ACP6: variants seen among roughly 807,000 people sequenced by gnomAD.
ACP6 encodes lysophosphatidic acid phosphatase type 6.
In ACP6, 48 loss-of-function variants were observed where a neutral mutation model predicts 48.1. That is an observed-to-expected ratio of 1.00 (90% CI 0.79 to 1.27). ACP6 has a LOEUF of 1.27. ACP6 is among the 50% of genes most tolerant of loss of function. The pLI, the probability that ACP6 is intolerant of heterozygous loss-of-function variation, is 0.00. For missense variants in ACP6, 485 were observed against 529.1 expected (o/e 0.92, Z 0.82); for synonymous variants, 172 against 204.2 (o/e 0.84, Z 1.34).
intron 7 of ACP6, 130 bp from the exon 8 acceptor site, chr1:147,650,368 A>G: frequency 1.7e-6 from 1 of 593,598 alleles, no homozygotes; most frequent in Non-Finnish European, 2.8e-6. Context: ...CATAAGGGCC[A>G]GCAACGGGCC....
At chr1:147,662,663 G>C (rs1351182480) in intron 1 of ACP6, among the ~76,000 whole-genome samples, 1 of 152,236 alleles carries the variant, frequency 6.6e-6, no homozygotes, top group Non-Finnish European at 1.5e-5. Flanking sequence ...GGTTCCTTGA[G>C]AGGGAATCTA....
chr1:147,640,784 C>T (rs782773599), downstream of ACP6, among the ~76,000 whole-genome samples: 12 of 152,148 alleles, frequency 7.9e-5, no homozygotes, highest in Admixed American at 2.0e-4. Flanking sequence ...AAAGGCCAAA[C>T]GGAGAGCGGA....
chr1:147,663,270 T>A (rs1553213091), intron 1 of ACP6, among the ~76,000 whole-genome samples: 4 of 136,972 alleles, frequency 2.9e-5, no homozygotes, highest in African/African-American at 1.1e-4. Context: ...AATTAGAGAG[T>A]AGAGTGATGG....
chr1:147,648,009 G>T, intron 9 of ACP6: 1 of 549,398 alleles, frequency 1.8e-6, no homozygotes, highest in Non-Finnish European at 3.2e-6. Context: ...GGGGGACCCT[G>T]TTCCTAGGAG....
rs781859308 is a variant in ACP6 at position 147,659,746 on chromosome 1, G to T, written c.249C>A (p.Val83=). 2 of 1,614,008 alleles carry T rather than the reference G, an allele frequency of 1.2e-6. No individual in the cohort carries two copies. Among genetic ancestry groups the T allele is most frequent in the Non-Finnish European group, 1.7e-6 (2 of 1,180,002 alleles). Residue 83 remains valine, a synonymous_variant, in exon 2 of 10, where the codon GTC becomes GTA. Transcript: ENST00000583509. ...QVEWNPQLLE[V]PPQTQFDYTV... is the part of the protein sequence containing the mutation. The stretch of plus-strand genomic sequence containing the variant: ...TGTAATCAAACTGAGTTTGGGGTGG[G>T]ACCTCTAATAGCTGGGGGTTCCACT...
chr1:147,653,136 G>GTTT (rs1557883421), intron 6 of ACP6, among the ~76,000 whole-genome samples: 4 of 145,630 alleles, frequency 2.7e-5, no homozygotes, highest in Admixed American at 6.8e-5. Flanking sequence ...CTGTTTTACT[G>GTTT]GTTTTTTTTT....
intron 9 of ACP6, 71 bp downstream of exon 9, chr1:147,648,175 T>C (rs1659724236): frequency 6.4e-7 from 1 of 1,568,262 alleles, no homozygotes. Context: ...GGAGACTTGG[T>C]GCTAACTCAG....
At chr1:147,639,407 C>T (rs1481381439), downstream of ACP6, among the ~76,000 whole-genome samples, 1 of 152,182 alleles carries the variant, frequency 6.6e-6, no homozygotes, top group Non-Finnish European at 1.5e-5. Flanking sequence ...TAAGCTGTGC[C>T]TACCTTTATG....
chr1:147,635,540 C>A (rs1659274496), intron 5 of ACP6, among the ~76,000 whole-genome samples: 1 of 152,140 alleles, frequency 6.6e-6, no homozygotes, highest in Non-Finnish European at 1.5e-5. Flanking sequence ...CAATCTTGCC[C>A]AAGCTTCTAG....
At chr1:147,649,706 T>G (rs1659815795) in intron 8 of ACP6, 1 of 170,758 alleles carries the variant, frequency 5.9e-6, no homozygotes, top group Non-Finnish European at 1.3e-5. Context: ...CCTCCCAAAG[T>G]GCTGGGATTA....
At chr1:147,652,734 C>T in intron 6 of ACP6, 185 bp from the exon 7 acceptor site, 2 of 1,124,150 alleles carry the variant, frequency 1.8e-6, no homozygotes, top group Non-Finnish European at 2.5e-6. Context: ...AAAGCTATTA[C>T]TAGATACCTG....
In ACP6 at chr1:147,658,974, T is replaced by TG. The variant is rs782034885; in HGVS notation, c.544dup (p.Gln182ProfsTer13). ...CAAATACGAACCTTCTTTCTGACAC[T>TG]GGAAAAGCCCAGCCAGCAAACAACG... On this transcript the variant is annotated frameshift_variant, in exon 4 of 10. Transcript: ENST00000583509. LOFTEE classifies it high-confidence loss of function. The TG allele has an allele frequency of 1.9e-6, 3 of 1,611,580 alleles. No homozygotes were observed. Among genetic ancestry groups the TG allele is most frequent in the Non-Finnish European group, 2.5e-6 (3 of 1,178,526 alleles).
Position 147,647,384 on chromosome 1 carries a change from T to C in ACP6, c.*39A>G, listed in dbSNP as rs782622379. On this transcript the variant is annotated 3_prime_UTR_variant, in exon 10 of 10. Coordinates refer to ENST00000583509, the MANE Select transcript of ACP6 (RefSeq NM_016361.5). The stretch of plus-strand genomic sequence containing the variant: ...AGCAGGAGGCATTGTATAAAGGCAC[T>C]TTATTTTAAAATCAACACATCCTGC... 1.9e-6 allele frequency: 3 copies of C among 1,611,614 alleles called. No homozygotes were observed. The Admixed American group carries it at 5.0e-5, about 27-fold the overall frequency.
intron 8 of ACP6, among the ~76,000 whole-genome samples, chr1:147,649,330 C>T (rs1659788977): frequency 1.3e-5 from 2 of 152,166 alleles, no homozygotes; most frequent in African/African-American, 4.8e-5. Context: ...AACGGTGAAG[C>T]TGTTTTCCTG....
chr1:147,634,695 T>C (rs1228298607), intron 5 of ACP6, among the ~76,000 whole-genome samples: 17 of 152,218 alleles, frequency 1.1e-4, no homozygotes, highest in African/African-American at 4.1e-4. Context: ...CATCTACCTA[T>C]TGAGTAATTG....
intron 1 of ACP6, among the ~76,000 whole-genome samples, chr1:147,662,887 TCTTATTTTTAGAAATTGCCACA>T (rs1660617182): frequency 6.6e-6 from 1 of 152,164 alleles, no homozygotes; most frequent in Non-Finnish European, 1.5e-5. Context: ...TTTACTGTTG[TCTTATTTTTAGAAATTGCCACA>T]GCCACCCCAA....
At chr1:147,649,332 G>A (rs948433805) in intron 8 of ACP6, among the ~76,000 whole-genome samples, 19 of 152,126 alleles carry the variant, frequency 1.2e-4, no homozygotes, top group African/African-American at 4.1e-4. Context: ...CGGTGAAGCT[G>A]TTTTCCTGCA....
At chr1:147,653,823 T>C (rs1660085462) in intron 6 of ACP6, among the ~76,000 whole-genome samples, 1 of 152,192 alleles carries the variant, frequency 6.6e-6, no homozygotes, top group Admixed American at 6.5e-5. Flanking sequence ...TCAGATTTTT[T>C]TAATATGCTG....
At chr1:147,641,270 A>ACG (rs1382248604), downstream of ACP6, among the ~76,000 whole-genome samples, 12 of 147,384 alleles carry the variant, frequency 8.1e-5, no homozygotes, top group African/African-American at 2.9e-4. Context: ...GGAGGGTGGG[A>ACG]CGGGAACTCT....
Sources: allele counts gnomAD v4.1 joint callset (sites outside exome capture counted in the v4.1 genomes callset), GRCh38; gene constraint gnomAD v4.1.1; transcripts MANE v1.5; gene names NCBI Gene and HGNC (gene_info 2026-07-23, HGNC 2026-07-21).